Variants in IRF2 observed in about 807,000 individuals in gnomAD.
IRF2 encodes the protein interferon regulatory factor 2.
A neutral mutation model predicts 40.6 loss-of-function variants in IRF2; 15 were observed. That is an observed-to-expected ratio of 0.37 (90% CI 0.25 to 0.57). The LOEUF (loss-of-function observed/expected upper bound fraction) is 0.57. Ranked by LOEUF, IRF2 falls within the 20% of genes least tolerant of loss-of-function variation. The probability of loss-of-function intolerance (pLI) is 0.77; values close to 1 mark genes in which losing one functional copy is unlikely to be tolerated. For missense variants in IRF2, 317 were observed against 455.7 expected (o/e 0.70, Z 2.77); for synonymous variants, 151 against 165.5 (o/e 0.91, Z 0.67).
chr4:184,399,777 CATT>C (rs748318065), intron 6 of IRF2, among the ~76,000 whole-genome samples: 6 of 152,224 alleles, frequency 3.9e-5, no homozygotes, highest in Non-Finnish European at 8.8e-5. Flanking sequence ...TTCTGGCAAA[CATT>C]AGTAGCATCA....
intron 1 of IRF2, among the ~76,000 whole-genome samples, chr4:184,440,350 C>T (rs576569956): frequency 6.6e-6 from 1 of 152,356 alleles, no homozygotes; most frequent in African/African-American, 2.4e-5. Flanking sequence ...TTCCACACAG[C>T]GGAGGCCTAT....
chr4:184,389,610 A>T (rs1736181111), intron 8 of IRF2, among the ~76,000 whole-genome samples: 1 of 151,860 alleles, frequency 6.6e-6, no homozygotes, highest in African/African-American at 2.4e-5. Context: ...TTTTTTTTTA[A>T]AAAATCAATT....
intron 6 of IRF2, among the ~76,000 whole-genome samples, chr4:184,404,386 T>C (rs1736775427): frequency 6.6e-6 from 1 of 152,238 alleles, no homozygotes; most frequent in Non-Finnish European, 1.5e-5. Flanking sequence ...TTTAATATGA[T>C]TTTGGTAATA....
In IRF2 at chr4:184,408,635, G is replaced by A. The variant is rs1736953280; in HGVS notation, c.412-360C>T. Among the ~76,000 whole-genome samples the A allele has an allele frequency of 6.6e-6, 1 of 152,228 alleles. No individual in the cohort carries two copies. The highest frequency in any genetic ancestry group is 1.9e-4 in the East Asian group (1 of 5,198). On this transcript the variant is annotated intron_variant, in intron 5 of 8. Coordinates refer to ENST00000393593, the MANE Select transcript of IRF2 (RefSeq NM_002199.4). The surrounding 1 kb of genome is among the most constrained non-coding windows in gnomAD (Gnocchi z 4.9). ...TTCTACACTCTCCTCCTCTGAGGGGGTGCTCAAAAGAATCAATGCCTGGCT... is the reference window on the plus strand; with the variant it reads ...TTCTACACTCTCCTCCTCTGAGGGGATGCTCAAAAGAATCAATGCCTGGCT...
intron 1 of IRF2, among the ~76,000 whole-genome samples, chr4:184,461,685 C>CTG (rs60947678): frequency 3.7e-5 from 5 of 134,242 alleles, no homozygotes; most frequent in East Asian, 4.5e-4. Flanking sequence ...CCTCTACCCG[C>CTG]CCCCCCACCG....
At chr4:184,451,719 C>T (rs1738721393) in intron 1 of IRF2, among the ~76,000 whole-genome samples, 1 of 152,224 alleles carries the variant, frequency 6.6e-6, no homozygotes, top group African/African-American at 2.4e-5. Flanking sequence ...GGACACCACA[C>T]TAGTTCCTAT....
intron 1 of IRF2, among the ~76,000 whole-genome samples, chr4:184,463,783 T>C (rs1353688698): frequency 6.6e-6 from 1 of 152,206 alleles, no homozygotes; most frequent in African/African-American, 2.4e-5. Flanking sequence ...ACTATTCTAA[T>C]ATTTTTTCAG....
At chr4:184,418,947 T>C (rs908920702) in intron 3 of IRF2, among the ~76,000 whole-genome samples, 2 of 152,188 alleles carry the variant, frequency 1.3e-5, no homozygotes, top group Non-Finnish European at 2.9e-5. Context: ...GTCACCCTGG[T>C]TCTACTGAAC....
chr4:184,401,680 C>T (rs1169492151), intron 6 of IRF2, among the ~76,000 whole-genome samples: 1 of 152,152 alleles, frequency 6.6e-6, no homozygotes, highest in Non-Finnish European at 1.5e-5. Context: ...AAGATAATGG[C>T]CTGCCCTATC....
intron 1 of IRF2, 133 bp from the exon 2 acceptor site, chr4:184,429,203 G>A (rs937929688): frequency 4.4e-6 from 3 of 676,344 alleles, no homozygotes; most frequent in East Asian, 2.8e-5. Flanking sequence ...CTGGGGGGTC[G>A]GTGTACTCAG....
At chr4:184,421,748 C>A (rs1019102874) in intron 2 of IRF2, among the ~76,000 whole-genome samples, 3 of 152,124 alleles carry the variant, frequency 2.0e-5, no homozygotes, top group Admixed American at 1.3e-4. Context: ...CACACACAAC[C>A]AAACCTAGTC....
intron 1 of IRF2, among the ~76,000 whole-genome samples, chr4:184,442,399 A>G (rs372693286): frequency 5.9e-5 from 9 of 152,124 alleles, no homozygotes; most frequent in Admixed American, 3.3e-4. Context: ...CAGATGAATC[A>G]GTTGTTTCAT....
At chr4:184,417,656 G>A (rs1257115986) in intron 5 of IRF2, among the ~76,000 whole-genome samples, 1 of 152,238 alleles carries the variant, frequency 6.6e-6, no homozygotes, top group African/African-American at 2.4e-5. Context: ...TGATTCTACA[G>A]TGGACAGAAG....
chr4:184,412,207 G>A (rs953087225), intron 5 of IRF2, among the ~76,000 whole-genome samples: 5 of 152,098 alleles, frequency 3.3e-5, no homozygotes, highest in African/African-American at 4.8e-5. Context: ...TTTGGTCTCT[G>A]GTTTAAGGGA....
chr4:184,395,435 A>AAAT (rs1736417969), intron 7 of IRF2, among the ~76,000 whole-genome samples: 2 of 149,602 alleles, frequency 1.3e-5, no homozygotes, highest in Admixed American at 6.6e-5. Context: ...AAAAAAAAAA[A>AAAT]GGTGGTCAGA....
chr4:184,400,450 T>C (rs1736627334), intron 6 of IRF2, among the ~76,000 whole-genome samples: 1 of 152,168 alleles, frequency 6.6e-6, no homozygotes, highest in South Asian at 2.1e-4. Flanking sequence ...TACCAGTGTG[T>C]TTATTCTCCC....
chr4:184,445,374 C>T (rs971019631), intron 1 of IRF2, among the ~76,000 whole-genome samples: 7 of 152,134 alleles, frequency 4.6e-5, no homozygotes, highest in African/African-American at 1.7e-4. Flanking sequence ...GAACAATAGG[C>T]CAGGCACAGT....
At chr4:184,447,511 G>C (rs1702981707) in intron 1 of IRF2, among the ~76,000 whole-genome samples, 3 of 152,102 alleles carry the variant, frequency 2.0e-5, no homozygotes, top group African/African-American at 7.2e-5. Flanking sequence ...AAAGGCTGGT[G>C]AAAAATGGGA....
chr4:184,393,767 G>A (rs749600075), intron 7 of IRF2, among the ~76,000 whole-genome samples: 12 of 152,162 alleles, frequency 7.9e-5, no homozygotes, highest in Non-Finnish European at 4.4e-5. Context: ...TCAAAAAGGG[G>A]CCTTCAGTAC....
Sources: allele counts gnomAD v4.1 joint callset (sites outside exome capture counted in the v4.1 genomes callset), GRCh38; gene constraint gnomAD v4.1.1; non-coding constraint Gnocchi (gnomAD v3.1); transcripts MANE v1.5; gene names NCBI Gene and HGNC (gene_info 2026-07-23, HGNC 2026-07-21).